PLEKHG4: variants seen among roughly 807,000 people sequenced by gnomAD.
PLEKHG4 encodes pleckstrin homology and RhoGEF domain containing G4.
PLEKHG4 carries 85 observed loss-of-function variants against 136.9 expected under a neutral mutation model. The ratio of observed to expected loss-of-function variants is 0.62; its 90% CI spans 0.52 to 0.74. The LOEUF (loss-of-function observed/expected upper bound fraction) is 0.74, where lower values mean the gene tolerates loss of function less well. Ranked by LOEUF, PLEKHG4 falls within the 30% of genes least tolerant of loss-of-function variation. The pLI is 0.00. For synonymous variants in PLEKHG4, 577 were observed against 646.9 expected (o/e 0.89, Z 1.64); for missense variants, 1,317 against 1,527.8 (o/e 0.86, Z 2.30).
Position 67,287,105 on chromosome 16 carries a change from A to G in PLEKHG4, c.3031A>G (p.Ser1011Gly). The change falls in exon 18 of 22, where the codon AGC (serine) becomes GGC (glycine). Residue 1011 changes from serine to glycine, a missense_variant. Transcript: ENST00000379344. ...ARDTFVLQAS[S>G]LAIKQAWTAD... ...GGACACCTTTGTGCTGCAGGCCTCC[A>G]GCCTGGCTATCAAGCAGGCCTGGAC... 1 of 1,612,738 alleles carries G rather than the reference A, an allele frequency of 6.2e-7. No individual in the cohort carries two copies. The highest frequency in any genetic ancestry group is 8.5e-7 in the Non-Finnish European group (1 of 1,180,022).
Position 67,286,273 on chromosome 16 carries a change from G to A in PLEKHG4, c.2443-1G>A. Reference sequence around the variant, plus strand: ...TGGGGCTGAGCCACATGTCCTTGTAGAGGGTGCAGTTTGGGATGTACGCGC... The same window carrying A: ...TGGGGCTGAGCCACATGTCCTTGTAAAGGGTGCAGTTTGGGATGTACGCGC... On this transcript the variant is annotated splice_acceptor_variant, in intron 14 of 21. Transcript: ENST00000379344. LOFTEE classifies it high-confidence loss of function. The A allele has an allele frequency of 6.2e-7, 1 of 1,611,146 alleles. No homozygotes were observed. The highest frequency in any genetic ancestry group is 1.1e-5 in the South Asian group (1 of 91,030).
Position 67,282,250 on chromosome 16 carries a change from T to A in PLEKHG4, c.1154T>A (p.Leu385Gln), listed in dbSNP as rs765225898. ...QQTEVLMQQV[L>Q]DSPWLAWLQC... is the part of the protein sequence containing the mutation. ...ACAGAGGTCCTGATGCAGCAGGTGC[T>A]AGACTCGCCATGGCTGGCATGGCTA... The change falls in exon 9 of 22, where the codon CTA becomes CAA. Residue 385 changes from leucine (L) to glutamine (Q), a missense_variant. Physicochemically the swap from Leu to Gln is moderately radical, Grantham distance 113. Transcript: ENST00000379344. The A allele has an allele frequency of 1.2e-6, 2 of 1,613,492 alleles. No individual in the cohort carries two copies. Among genetic ancestry groups the A allele is most frequent in the Non-Finnish European group, 1.7e-6 (2 of 1,180,010 alleles).
rs1273787254 is a variant in PLEKHG4 at position 67,281,014 on chromosome 16, G to C, written c.719+9G>C. On this transcript the variant is annotated intron_variant, in intron 4 of 21. Coordinates refer to ENST00000379344, the MANE Select transcript of PLEKHG4 (RefSeq NM_001129729.3). ...CTGCGAAGCATCCCCAGGTTTGAGGGAGGGGGTTGGGAGACTGAGCCTGAG... is the reference window on the plus strand; with the variant it reads ...CTGCGAAGCATCCCCAGGTTTGAGGCAGGGGGTTGGGAGACTGAGCCTGAG... 7 of 1,614,104 alleles carry C rather than the reference G, an allele frequency of 4.3e-6. No individual in the cohort carries two copies. The highest frequency in any genetic ancestry group is 5.9e-6 in the Non-Finnish European group (7 of 1,180,040).
At chr16:67,288,101 T>G (rs771371206) in intron 19 of PLEKHG4, 66 bp from the exon 20 acceptor site, 1 of 1,559,622 alleles carries the variant, frequency 6.4e-7, no homozygotes, top group Non-Finnish European at 8.8e-7. Context: ...TGGCCCGCAC[T>G]TTCCTTGGGA....
In PLEKHG4 at chr16:67,284,927, G is replaced by A. The variant is rs1379949816; in HGVS notation, c.1907G>A (p.Trp636Ter). Residue 636 changes from tryptophan (W) to a stop codon, truncating the protein, a stop_gained, in exon 13 of 22, where the codon TGG becomes TAG. Transcript: ENST00000379344. LOFTEE classifies it high-confidence loss of function. The surrounding 1 kb of genome is among the most constrained non-coding windows in gnomAD (Gnocchi z 4.4). ...GCCTGGGCGCGGTGCCAGGACACCT[G>A]GCTGGCCCTGGACCAAAAGCTTGAG... The part of the protein sequence containing the change: ...RWAWARCQDT[W>*]LALDQKLEAS... The A allele has an allele frequency of 1.2e-6, 2 of 1,612,872 alleles. No homozygotes were observed. The highest frequency in any genetic ancestry group is 1.7e-6 in the Non-Finnish European group (2 of 1,179,888).
At position 67,280,705 on chromosome 16, in the gene PLEKHG4, C is replaced by T. The variant is rs748818195; in HGVS notation, c.500-6C>T. ...AAGGCAGACCCAAGTCATTTCCCTTCCCAAGCCCCCAGTGGATCCGGCCTC... is the reference window on the plus strand; with the variant it reads ...AAGGCAGACCCAAGTCATTTCCCTTTCCAAGCCCCCAGTGGATCCGGCCTC... On this transcript the variant is annotated splice_polypyrimidine_tract_variant and splice_region_variant and intron_variant, in intron 2 of 21. Coordinates refer to ENST00000379344, the MANE Select transcript of PLEKHG4 (RefSeq NM_001129729.3). This position sits in a 1 kb window ranked among gnomAD's most constrained non-coding sequence, Gnocchi z 4.4. 8 of 1,614,100 alleles carry T rather than the reference C, an allele frequency of 5.0e-6. No individual in the cohort carries two copies. In the Admixed American group the frequency reaches 8.3e-5, roughly 17 times the overall value.
rs539646163 is a variant in PLEKHG4, at chr16:67,282,143, C to T, written c.1104+36C>T. 25 of 1,613,214 alleles carry T rather than the reference C, an allele frequency of 1.5e-5. No homozygotes were observed. In the South Asian group the frequency reaches 2.4e-4, roughly 16 times the overall value. On this transcript the variant is annotated intron_variant, in intron 8 of 21. Transcript: ENST00000379344. ...CCTCCCAGTCCCTCCATGAATGCTC[C>T]CTGTCTCCCTCCTTCTCTCCCATGG...
At position 67,281,738 on chromosome 16, in the gene PLEKHG4, T is replaced by G; in HGVS notation, c.906T>G (p.Pro302=). Reference sequence around the variant, plus strand: ...TTCTCCTGTAGCTGGAGCAGTTGCCTTCTCAGAGCCTGCTGACCCACATCC... The same window carrying G: ...TTCTCCTGTAGCTGGAGCAGTTGCCGTCTCAGAGCCTGCTGACCCACATCC... ...VPSGLQLEQL[P]SQSLLTHIPT... is the part of the protein sequence containing the mutation. The change falls in exon 7 of 22, where the codon CCT becomes CCG. Residue 302 remains proline (P), a synonymous_variant. Coordinates refer to ENST00000379344, the MANE Select transcript of PLEKHG4 (RefSeq NM_001129729.3). 1.2e-6 allele frequency: 2 copies of G among 1,614,096 alleles called. No homozygotes were observed. The highest frequency in any genetic ancestry group is 1.1e-5 in the South Asian group (1 of 91,084).
upstream of PLEKHG4, chr16:67,277,792 C>G (rs2036050631): frequency 6.6e-6 from 1 of 152,370 alleles, no homozygotes; most frequent in Non-Finnish European, 1.5e-5. Context: ...GTGCTGGATG[C>G]TGAAAGTACG....
Position 67,280,319 on chromosome 16 carries a change from T to G in PLEKHG4, c.275T>G (p.Val92Gly). The G allele has an allele frequency of 6.2e-7, 1 of 1,613,716 alleles. No individual in the cohort carries two copies. The highest frequency in any genetic ancestry group is 1.6e-4 in the Middle Eastern group (1 of 6,062). The change falls in exon 2 of 22, where the codon GTC becomes GGC. Residue 92 changes from valine to glycine, a missense_variant. Physicochemically the swap from Val to Gly is moderately radical, Grantham distance 109. Transcript: ENST00000379344. This position sits in a 1 kb window ranked among gnomAD's most constrained non-coding sequence, Gnocchi z 4.4. Reference protein sequence around the residue: ...AQRGTVESSSVLSEGPGPSGV... With the variant: ...AQRGTVESSSGLSEGPGPSGV... ...AGGGGCACAGTAGAAAGCTCCTCAG[T>G]CCTGTCAGAAGGGCCAGGCCCCTCT... is the stretch of plus-strand genomic sequence containing the variant.
Position 67,286,599 on chromosome 16 carries a change from G to A in PLEKHG4, c.2687G>A (p.Ser896Asn), listed in dbSNP as rs574788785. ...CTCAGTGCGCTGCGGGAGGCCCAGAGCCTTGTGCACTTCCAGCTGCGGCAC... is the reference window on the plus strand; with the variant it reads ...CTCAGTGCGCTGCGGGAGGCCCAGAACCTTGTGCACTTCCAGCTGCGGCAC... ...QELSALREAQ[S>N]LVHFQLRHGN... Residue 896 changes from serine to asparagine, a missense_variant, in exon 16 of 22, where the codon AGC becomes AAC. Ser to Asn is a conservative substitution (Grantham distance 46). Transcript: ENST00000379344. 2 of 1,560,868 alleles carry A rather than the reference G, an allele frequency of 1.3e-6. No homozygotes were observed. Among genetic ancestry groups the A allele is most frequent in the African/African-American group, 1.4e-5 (1 of 73,536 alleles).
At chr16:67,287,474 A>T in intron 18 of PLEKHG4, 1 of 526,022 alleles carries the variant, frequency 1.9e-6, no homozygotes. Flanking sequence ...ATCTTTGCTC[A>T]TTGTAGCCTC....
chr16:67,284,410 T>C lies in PLEKHG4; in HGVS notation c.1645T>C (p.Cys549Arg). The C allele has an allele frequency of 6.2e-7, 1 of 1,614,108 alleles. No homozygotes were observed. Among genetic ancestry groups the C allele is most frequent in the African/African-American group, 1.3e-5 (1 of 75,048 alleles). Residue 549 changes from cysteine (C) to arginine (R), a missense_variant, in exon 12 of 22, where the codon TGC becomes CGC. Coordinates refer to ENST00000379344, the MANE Select transcript of PLEKHG4 (RefSeq NM_001129729.3). The surrounding 1 kb of genome is among the most constrained non-coding windows in gnomAD (Gnocchi z 4.4). The stretch of plus-strand genomic sequence containing the variant: ...ATTCTCTAGGGCTTTGGCCCAGCGG[T>C]GCCAGCGGCTGGCGGATGCTGAGAG... ...TEFSRALAQR[C>R]QRLADAERLF...
At position 67,282,558 on chromosome 16, in the gene PLEKHG4, CA is replaced by C. The variant is rs1254144693; in HGVS notation, c.1311del (p.Gln437HisfsTer2). On this transcript the variant is annotated frameshift_variant, in exon 10 of 22. Coordinates refer to ENST00000379344, the MANE Select transcript of PLEKHG4 (RefSeq NM_001129729.3). LOFTEE classifies it high-confidence loss of function. ...TGACCGGGTGGATGGATTGCTGCAC[CA>C]ACTGACCCTGCAGAGCAACCAGCGA... Reference protein sequence around the residue: ...LYDRVDGLLHQLTLQSNQRIQ... With the variant: ...LYDRVDGLLHXLTLQSNQRIQ... 2 of 1,613,990 alleles carry C rather than the reference CA, an allele frequency of 1.2e-6. No individual in the cohort carries two copies. Among genetic ancestry groups the C allele is most frequent in the Non-Finnish European group, 1.7e-6 (2 of 1,180,038 alleles).
At chr16:67,278,695 G>C (rs2036073693), upstream of PLEKHG4, 1 of 152,230 alleles carries the variant, frequency 6.6e-6, no homozygotes, top group African/African-American at 2.4e-5. Flanking sequence ...GTCTTCCCCA[G>C]TCCTCACGGC....
Position 67,281,204 on chromosome 16 carries a change from T to A in PLEKHG4, c.813+20T>A. 1 of 1,434,032 alleles carries A rather than the reference T, an allele frequency of 7.0e-7. No homozygotes were observed. Among genetic ancestry groups the A allele is most frequent in the Non-Finnish European group, 9.8e-7 (1 of 1,020,060 alleles). 88.8% of individuals were successfully genotyped at this position (1,434,032 alleles called of 1,614,324 possible). A position where few individuals can be genotyped will look rare whatever the true frequency, so the allele number is the denominator to read the frequency against. On this transcript the variant is annotated intron_variant, in intron 5 of 21. Transcript: ENST00000379344. Reference sequence around the variant, plus strand: ...CTACAAGTGAGTACAGGATTGTAGCTCCCCTCATTCCTTTTCTTTTCTTTT... The same window carrying A: ...CTACAAGTGAGTACAGGATTGTAGCACCCCTCATTCCTTTTCTTTTCTTTT...
At chr16:67,287,858 A>C in intron 18 of PLEKHG4, 40 bp from the exon 19 acceptor site, 3 of 1,326,786 alleles carry the variant, frequency 2.3e-6, no homozygotes, top group Non-Finnish European at 3.3e-6. Context: ...GGACAGGCTT[A>C]TGTCCAGAAG....
intron 14 of PLEKHG4, 94 bp downstream of exon 14, chr16:67,285,630 G>A (rs906410615): frequency 1.4e-6 from 2 of 1,438,054 alleles, no homozygotes; most frequent in African/African-American, 2.8e-5. Flanking sequence ...TGTGCTATGA[G>A]TATAGCTATG....
At position 67,282,207 on chromosome 16, in the gene PLEKHG4, G is replaced by A. The variant is rs551369847; in HGVS notation, c.1111G>A (p.Gly371Ser). Reference sequence around the variant, plus strand: ...TTATTGCCCTCAATCACAGGAGGTCGGTCAGCTGCTACAGCAGACAGAGGT... The same window carrying A: ...TTATTGCCCTCAATCACAGGAGGTCAGTCAGCTGCTACAGCAGACAGAGGT... The part of the protein sequence containing the change: ...VPQPMEPGEV[G>S]QLLQQTEVLM... Residue 371 changes from glycine (G) to serine (S), a missense_variant, in exon 9 of 22, where the codon GGT (glycine) becomes AGT (serine). Coordinates refer to ENST00000379344, the MANE Select transcript of PLEKHG4 (RefSeq NM_001129729.3). 9.9e-5 allele frequency: 160 copies of A among 1,613,570 alleles called. 2 individuals carry two copies. The South Asian group carries it at 1.5e-3, about 15-fold the overall frequency.
Sources: gnomAD v4.1 joint callset for allele counts on GRCh38, gnomAD v4.1.1 for gene constraint, Gnocchi (gnomAD v3.1) non-coding constraint, MANE v1.5 for transcripts, NCBI Gene and HGNC (gene_info 2026-07-23, HGNC 2026-07-21) for gene names.